The following LTBP2 variants were observed in gnomAD, a reference collection of about 807,000 sequenced individuals.
The protein encoded by LTBP2 is latent transforming growth factor beta binding protein 2, also known as latent-transforming growth factor beta-binding protein 2.
In LTBP2, 103 loss-of-function variants were observed where a neutral mutation model predicts 210.6. That is an observed-to-expected ratio of 0.49 (90% CI 0.42 to 0.58). The LOEUF (loss-of-function observed/expected upper bound fraction) is 0.58. Among genes scored for constraint, LTBP2 ranks in the 20% least tolerant of loss-of-function variants. LTBP2 has a pLI of 0.00. For missense variants in LTBP2, 2,313 were observed against 2,494.5 expected (o/e 0.93, Z 1.55); for synonymous variants, 1,007 against 1,015.0 (o/e 0.99, Z 0.15).
chr14:74,563,530 C>T (rs774504090), intron 3 of LTBP2, among the ~76,000 whole-genome samples: 1 of 152,118 alleles, frequency 6.6e-6, no homozygotes, highest in Non-Finnish European at 1.5e-5. Context: ...CCAAGATACA[C>T]TGAAAAGTGA....
At chr14:74,539,855 G>C (rs1284979200) in intron 8 of LTBP2, among the ~76,000 whole-genome samples, 5 of 152,234 alleles carry the variant, frequency 3.3e-5, no homozygotes, top group Admixed American at 2.6e-4. Flanking sequence ...CCCGAGGAAT[G>C]AGTGAATCTC....
At position 74,608,084 on chromosome 14, in the gene LTBP2, C is replaced by A. The variant is rs971684901; in HGVS notation, c.494+3367G>T. Among the ~76,000 whole-genome samples the A allele has an allele frequency of 3.0e-4, 46 of 151,506 alleles. 2 individuals carry two copies. The highest frequency in any genetic ancestry group is 7.4e-5 in the Non-Finnish European group (5 of 67,916). On this transcript the variant is annotated intron_variant, in intron 1 of 35. Transcript: ENST00000261978. ...TACAGGCGCCCGCCACCGCGCCCGGCTAATTTTTTGTATTTTTAGTAGAGA... is the reference window on the plus strand; with the variant it reads ...TACAGGCGCCCGCCACCGCGCCCGGATAATTTTTTGTATTTTTAGTAGAGA...
intron 9 of LTBP2, among the ~76,000 whole-genome samples, chr14:74,533,916 G>C (rs984992937): frequency 6.6e-6 from 1 of 152,172 alleles, no homozygotes; most frequent in Non-Finnish European, 1.5e-5. Flanking sequence ...TTGCTTGTGA[G>C]GGGCACCTGC....
chr14:74,547,231 G>A (rs1229306113), intron 8 of LTBP2, among the ~76,000 whole-genome samples: 1 of 152,218 alleles, frequency 6.6e-6, no homozygotes, highest in Non-Finnish European at 1.5e-5. Flanking sequence ...TAACATCACT[G>A]TCAGATTGGC....
In LTBP2 at chr14:74,599,916, T is replaced by A. The variant is rs557015869; in HGVS notation, c.565+3719A>T. Among the ~76,000 whole-genome samples, 6 of 152,374 alleles carry A rather than the reference T, an allele frequency of 3.9e-5. No homozygotes were observed. In the East Asian group the frequency reaches 9.6e-4, roughly 24 times the overall value. On this transcript the variant is annotated intron_variant, in intron 2 of 35. Transcript: ENST00000261978. ...AGACTTTACTCTTGGCAGTGGGGGA[T>A]GTCAGCCCCCATCTCTCACTGGCCC...
At chr14:74,583,376 C>A (rs1010223596) in intron 3 of LTBP2, among the ~76,000 whole-genome samples, 4 of 152,226 alleles carry the variant, frequency 2.6e-5, no homozygotes, top group African/African-American at 9.6e-5. Context: ...TCTGACACCA[C>A]CAGGCAAGCA....
rs796338164 is a variant in LTBP2, at chr14:74,529,259, G to A, written c.1988-137C>T. 6.8e-6 allele frequency: 7 copies of A among 1,032,334 alleles called. No individual in the cohort carries two copies. The African/African-American group carries it at 9.5e-5, about 14-fold the overall frequency. 63.9% of individuals were successfully genotyped at this position (1,032,334 alleles called of 1,614,324 possible). ...GGCCCATATCTCAGTTGGGAAGTTT[G>A]GAGCCCTGCAAATGCTCACAAGAAC... On this transcript the variant is annotated intron_variant, in intron 10 of 35. Coordinates refer to ENST00000261978, the MANE Select transcript of LTBP2 (RefSeq NM_000428.3).
chr14:74,501,161 C>T, intron 35 of LTBP2, 132 bp from the exon 36 acceptor site: 1 of 1,225,204 alleles, frequency 8.2e-7, no homozygotes, highest in Non-Finnish European at 1.2e-6. Flanking sequence ...AGGCTGAAGT[C>T]ACTTCCCAAA....
chr14:74,563,191 A>T (rs185185317), intron 3 of LTBP2, among the ~76,000 whole-genome samples: 1 of 152,302 alleles, frequency 6.6e-6, no homozygotes, highest in East Asian at 1.9e-4. Flanking sequence ...AGCTTGATTT[A>T]CCTGGGACCA....
chr14:74,577,271 G>A (rs970519147), intron 3 of LTBP2, among the ~76,000 whole-genome samples: 6 of 152,178 alleles, frequency 3.9e-5, no homozygotes, highest in African/African-American at 7.2e-5. Flanking sequence ...AGTTAACCCC[G>A]CAGAGAAAGA....
Position 74,553,082 on chromosome 14 carries a change from G to T in LTBP2, c.1022-20C>A. 1 of 1,613,466 alleles carries T rather than the reference G, an allele frequency of 6.2e-7. No individual in the cohort carries two copies. The highest frequency in any genetic ancestry group is 1.3e-5 in the African/African-American group (1 of 75,022). On this transcript the variant is annotated intron_variant, in intron 4 of 35. Transcript: ENST00000261978. Reference sequence around the variant, plus strand: ...TCAGCCCTGCAGAGAGAGGGCTTGGGTCCAGGGGGCAGGGCTGAGAGGCAC... The same window carrying T: ...TCAGCCCTGCAGAGAGAGGGCTTGGTTCCAGGGGGCAGGGCTGAGAGGCAC...
Position 74,563,128 on chromosome 14 carries a change from C to G in LTBP2, c.831-7435G>C, listed in dbSNP as rs145175998. 5.5e-4 allele frequency among the ~76,000 whole-genome samples: 84 copies of G among 152,232 alleles called. 1 individual carries two copies. The highest frequency in any genetic ancestry group is 2.0e-3 in the African/African-American group (83 of 41,538). Reference sequence around the variant, plus strand: ...GAAAGGGAAGTTCAAAAGCCTGGGCCCCCAGGCCTTAAGGAGAAACAACTT... The same window carrying G: ...GAAAGGGAAGTTCAAAAGCCTGGGCGCCCAGGCCTTAAGGAGAAACAACTT... On this transcript the variant is annotated intron_variant, in intron 3 of 35. Transcript: ENST00000261978.
intron 3 of LTBP2, among the ~76,000 whole-genome samples, chr14:74,569,503 G>T (rs1406302998): frequency 6.6e-6 from 1 of 152,078 alleles, no homozygotes; most frequent in Non-Finnish European, 1.5e-5. Flanking sequence ...TCAGATCAAG[G>T]CCTGGGTTTC....
Position 74,503,331 on chromosome 14 carries a change from A to G in LTBP2, c.4776T>C (p.Asn1592=), listed in dbSNP as rs368276598. 14 of 1,613,766 alleles carry G rather than the reference A, an allele frequency of 8.7e-6. No individual in the cohort carries two copies. In the African/African-American group the frequency reaches 1.1e-4, roughly 12 times the overall value. ...CACGCAGGGGTTCGCTGCACACATC[A>G]TTGGTGACTTTTTTCCAGCAGATGT... is the stretch of plus-strand genomic sequence containing the variant. ...HMDICWKKVT[N]DVCSEPLRGH... is the part of the protein sequence containing the mutation. The change falls in exon 33 of 36, where the codon AAT becomes AAC. Residue 1592 remains asparagine, a synonymous_variant. Transcript: ENST00000261978.
At chr14:74,526,251 G>A (rs1036045960) in intron 13 of LTBP2, 137 bp from the exon 14 acceptor site, 2 of 841,744 alleles carry the variant, frequency 2.4e-6, no homozygotes, top group African/African-American at 3.4e-5. Flanking sequence ...AGGTATTGAT[G>A]AGTTCTTACT....
At chr14:74,547,752 C>T (rs2087595721) in intron 8 of LTBP2, among the ~76,000 whole-genome samples, 1 of 152,136 alleles carries the variant, frequency 6.6e-6, no homozygotes, top group South Asian at 2.1e-4. Context: ...GCAGCAGGTA[C>T]TGCATGCCCC....
intron 1 of LTBP2, among the ~76,000 whole-genome samples, chr14:74,611,139 A>G (rs1252332737): frequency 6.6e-6 from 1 of 152,196 alleles, no homozygotes; most frequent in East Asian, 1.9e-4. Flanking sequence ...GCAAGAGTCT[A>G]CAAGAGCTCG....
At chr14:74,548,529 G>A (rs1390111488) in intron 8 of LTBP2, among the ~76,000 whole-genome samples, 2 of 152,146 alleles carry the variant, frequency 1.3e-5, no homozygotes, top group African/African-American at 4.8e-5. Flanking sequence ...GTGGGATATA[G>A]AAGTTTCAAG....
At position 74,596,689 on chromosome 14, in the gene LTBP2, G is replaced by A. The variant is rs547584473; in HGVS notation, c.565+6946C>T. Among the ~76,000 whole-genome samples, 41 of 152,354 alleles carry A rather than the reference G, an allele frequency of 2.7e-4. 1 individual carries two copies. The highest frequency in any genetic ancestry group is 2.5e-3 in the Admixed American group (38 of 15,306). On this transcript the variant is annotated intron_variant, in intron 2 of 35. Transcript: ENST00000261978. The stretch of plus-strand genomic sequence containing the variant: ...GCAGGCAGGTCCACGAGGGACTGAG[G>A]AAGTAAAACAAACAGGGCTTGGTAA...
Sources: gnomAD v4.1 joint callset for allele counts (sites outside exome capture counted in the v4.1 genomes callset) on GRCh38, gnomAD v4.1.1 for gene constraint, MANE v1.5 for transcripts, NCBI Gene and HGNC (gene_info 2026-07-23, HGNC 2026-07-21) for gene names.